Variants in NOP58 observed in about 807,000 individuals in gnomAD.
The protein encoded by NOP58 is nucleolar protein 58.
NOP58 carries 44 observed loss-of-function variants against 71.2 expected under a neutral mutation model. That is an observed-to-expected ratio of 0.62 (90% CI 0.49 to 0.79). The LOEUF is 0.79. NOP58 is among the 30% of genes least tolerant of loss of function. NOP58 has a pLI of 0.00. For missense variants in NOP58, 538 were observed against 620.2 expected (o/e 0.87, Z 1.41); for synonymous variants, 228 against 200.3 (o/e 1.14, Z -1.17).
At chr2:202,268,403 T>A (rs1688452400) in intron 1 of NOP58, among the ~76,000 whole-genome samples, 1 of 151,480 alleles carries the variant, frequency 6.6e-6, no homozygotes, top group Admixed American at 6.6e-5. Flanking sequence ...GGCGTGGTGG[T>A]GTGCGCCTGT....
At chr2:202,298,818 A>T (rs1490085520) in intron 12 of NOP58, among the ~76,000 whole-genome samples, 2 of 152,142 alleles carry the variant, frequency 1.3e-5, no homozygotes, top group Non-Finnish European at 1.5e-5. Context: ...AATGCTGGTG[A>T]GGTTGTGATG....
intron 1 of NOP58, among the ~76,000 whole-genome samples, chr2:202,272,348 G>T (rs1688525740): frequency 6.6e-6 from 1 of 151,802 alleles, no homozygotes; most frequent in African/African-American, 2.4e-5. Context: ...TAGAGGCGGG[G>T]TTTCACCGTG....
chr2:202,287,260 G>A (rs1688803619), intron 5 of NOP58, among the ~76,000 whole-genome samples: 1 of 151,910 alleles, frequency 6.6e-6, no homozygotes. Context: ...GTAGAGACAG[G>A]GTTTCGCCAT....
At chr2:202,280,834 G>A (rs1688690642) in intron 3 of NOP58, among the ~76,000 whole-genome samples, 1 of 142,436 alleles carries the variant, frequency 7.0e-6, no homozygotes, top group Non-Finnish European at 1.5e-5. Flanking sequence ...CCAGCTCACT[G>A]TAGTCTCTGC....
chr2:202,275,202 G>A lies in NOP58; in HGVS notation c.122+13G>A. 5 of 1,391,598 alleles carry A rather than the reference G, an allele frequency of 3.6e-6. No individual in the cohort carries two copies. The highest frequency in any genetic ancestry group is 5.0e-6 in the Non-Finnish European group (5 of 995,986). 86.2% of individuals were successfully genotyped at this position (1,391,598 alleles called of 1,614,324 possible). A position where few individuals can be genotyped will look rare whatever the true frequency, so the allele number is the denominator to read the frequency against. On this transcript the variant is annotated intron_variant, in intron 2 of 14. Coordinates refer to ENST00000264279, the MANE Select transcript of NOP58 (RefSeq NM_015934.5). ...AAGCAAACAAAATGTAAGTACTCTT[G>A]AAATCAATAATTTAGCAGTTAACAT...
In NOP58 at chr2:202,297,462, T is replaced by G. The variant is rs758464492; in HGVS notation, c.1155T>G (p.Val385=). 29 of 1,613,850 alleles carry G rather than the reference T, an allele frequency of 1.8e-5. No individual in the cohort carries two copies. In the South Asian group the frequency reaches 2.9e-4, roughly 16 times the overall value. ...AGGATTCAAGTTCTGCAATGGGAGT[T>G]GAGAACAGAGCCAAATTAGAGGCCA... is the stretch of plus-strand genomic sequence containing the variant. ...FGEDSSSAMG[V]ENRAKLEARL... is the part of the protein sequence containing the mutation. Residue 385 remains valine, a synonymous_variant, in exon 11 of 15, where the codon GTT becomes GTG. Coordinates refer to ENST00000264279, the MANE Select transcript of NOP58 (RefSeq NM_015934.5).
At chr2:202,280,887 C>A (rs1688691216) in intron 3 of NOP58, among the ~76,000 whole-genome samples, 1 of 150,666 alleles carries the variant, frequency 6.6e-6, no homozygotes, top group East Asian at 2.0e-4. Context: ...ACCACGCTCA[C>A]CTAATTTTTG....
intron 6 of NOP58, among the ~76,000 whole-genome samples, chr2:202,289,258 C>T (rs748410049): frequency 2.6e-5 from 4 of 152,162 alleles, no homozygotes; most frequent in Non-Finnish European, 4.4e-5. Flanking sequence ...GTGGAAACAA[C>T]CCAGATACCT....
intron 2 of NOP58, among the ~76,000 whole-genome samples, chr2:202,276,893 C>A (rs149677009): frequency 6.6e-6 from 1 of 151,926 alleles, no homozygotes; most frequent in Non-Finnish European, 1.5e-5. Flanking sequence ...AATCCCAGCA[C>A]TTTGGGAGGT....
intron 11 of NOP58, 79 bp from the exon 12 acceptor site, chr2:202,297,766 T>G: frequency 2.2e-6 from 2 of 900,208 alleles, no homozygotes; most frequent in Non-Finnish European, 1.7e-6. Context: ...GCTGGCCCAC[T>G]GATTCACTAG....
At chr2:202,295,209 G>A (rs1688970973) in intron 9 of NOP58, among the ~76,000 whole-genome samples, 2 of 152,192 alleles carry the variant, frequency 1.3e-5, no homozygotes, top group Non-Finnish European at 1.5e-5. Flanking sequence ...CACACAAAGT[G>A]AAAGCACAGG....
chr2:202,286,865 C>T (rs978654995), intron 5 of NOP58, among the ~76,000 whole-genome samples: 1 of 152,074 alleles, frequency 6.6e-6, no homozygotes, highest in Non-Finnish European at 1.5e-5. Flanking sequence ...TGCTAAAGGT[C>T]CTATAATGCA....
intron 1 of NOP58, 50 bp from the exon 2 acceptor site, chr2:202,275,063 A>C (rs1559260045): frequency 3.5e-6 from 3 of 866,774 alleles, no homozygotes; most frequent in Non-Finnish European, 5.6e-6. Context: ...GCAGCTGTAT[A>C]TGCCTCACCT....
At chr2:202,303,250 T>G (rs571334381) in intron 14 of NOP58, 136 bp from the exon 15 acceptor site, 1 of 1,395,240 alleles carries the variant, frequency 7.2e-7, no homozygotes, top group Admixed American at 2.3e-5. Flanking sequence ...TTACTAAAAA[T>G]CAAGTTTGCA....
chr2:202,266,060 C>A, intron 1 of NOP58, 74 bp downstream of exon 1: 1 of 1,542,672 alleles, frequency 6.5e-7, no homozygotes, highest in Non-Finnish European at 9.0e-7. Context: ...GACTTAAGCA[C>A]GGAACTACTC....
chr2:202,291,235 G>A lies in NOP58; in HGVS notation c.745G>A (p.Glu249Lys). 1 of 1,609,818 alleles carries A rather than the reference G, an allele frequency of 6.2e-7. No individual in the cohort carries two copies. ...ATCAATGGGAACAGAGGTTTCAGAA[G>A]AAGATATTTGCAATATTCTGCATCT... is the stretch of plus-strand genomic sequence containing the variant. ...EISMGTEVSE[E>K]DICNILHLCT... is the part of the protein sequence containing the mutation. Residue 249 changes from glutamate (E) to lysine (K), a missense_variant, in exon 8 of 15, where the codon GAA (glutamate) becomes AAA (lysine). Transcript: ENST00000264279.
At position 202,289,210 on chromosome 2, in the gene NOP58, A is replaced by C. The variant is rs536819747; in HGVS notation, c.500-1113A>C. Among the ~76,000 whole-genome samples, 66 of 152,334 alleles carry C rather than the reference A, an allele frequency of 4.3e-4. No homozygotes were observed. The South Asian group carries it at 0.013, about 30-fold the overall frequency. ...AAAAACAGAACTGAGTTGCTTGTAC[A>C]CCTATGTTCATAACAGTGTTATTTA... On this transcript the variant is annotated intron_variant, in intron 6 of 14. Transcript: ENST00000264279.
rs1490080493 is a variant in NOP58, at chr2:202,292,887, G to C, written c.891G>C (p.Arg297=). 1 of 1,614,046 alleles carries C rather than the reference G, an allele frequency of 6.2e-7. No homozygotes were observed. Among genetic ancestry groups the C allele is most frequent in the South Asian group, 1.1e-5 (1 of 91,086 alleles). Reference sequence around the variant, plus strand: ...TGGTTGGGGAATTAGTTGGAGCACGGCTTATTGCTCATGCAGGTGATGGTT... The same window carrying C: ...TGGTTGGGGAATTAGTTGGAGCACGCCTTATTGCTCATGCAGGTGATGGTT... ...TVMVGELVGA[R]LIAHAGSLLN... is the part of the protein sequence containing the mutation. The change falls in exon 9 of 15, where the codon CGG becomes CGC. Residue 297 remains arginine, a synonymous_variant. Coordinates refer to ENST00000264279, the MANE Select transcript of NOP58 (RefSeq NM_015934.5).
At chr2:202,294,336 CAAAAAAA>C (rs1231907557) in intron 9 of NOP58, among the ~76,000 whole-genome samples, 1 of 71,450 alleles carries the variant, frequency 1.4e-5, no homozygotes, top group Non-Finnish European at 2.8e-5. Flanking sequence ...AACTCCATCT[CAAAAAAA>C]AAAAAAAAAA....
Sources: allele counts gnomAD v4.1 joint callset (sites outside exome capture counted in the v4.1 genomes callset), GRCh38; gene constraint gnomAD v4.1.1; transcripts MANE v1.5; gene names NCBI Gene and HGNC (gene_info 2026-07-23, HGNC 2026-07-21).